SCAI: variants seen among roughly 807,000 people sequenced by gnomAD.
The protein encoded by SCAI is protein SCAI.
SCAI carries 24 observed loss-of-function variants against 92.2 expected under a neutral mutation model. The observed-to-expected ratio is 0.26, with a 90% CI of 0.19 to 0.37. SCAI has a LOEUF of 0.37. Ranked by LOEUF, SCAI falls within the 10% of genes least tolerant of loss-of-function variation. The pLI, the probability that SCAI is intolerant of heterozygous loss-of-function variation, is 1.00. For synonymous variants in SCAI, 261 were observed against 258.6 expected (o/e 1.01, Z -0.09); for missense variants, 450 against 736.2 (o/e 0.61, Z 4.50).
chr9:125,105,864 C>T (rs1044676256), intron 2 of SCAI, among the ~76,000 whole-genome samples: 33 of 151,310 alleles, frequency 2.2e-4, no homozygotes, highest in African/African-American at 6.3e-4. Flanking sequence ...TCTGGGAGGC[C>T]GAGGCAGGCA....
chr9:124,960,219 T>C (rs1207449216), intron 17 of SCAI, among the ~76,000 whole-genome samples: 2 of 152,146 alleles, frequency 1.3e-5, no homozygotes, highest in Non-Finnish European at 2.9e-5. Context: ...GCGGTTTTAT[T>C]TCTATTAGCC....
At chr9:125,039,465 C>T (rs1047396094) in intron 3 of SCAI, among the ~76,000 whole-genome samples, 1 of 151,166 alleles carries the variant, frequency 6.6e-6, no homozygotes, top group African/African-American at 2.4e-5. Context: ...AGTAAAAATG[C>T]AGAAGGGCAG....
chr9:124,995,928 A>G (rs1832228924), intron 13 of SCAI, among the ~76,000 whole-genome samples: 1 of 152,170 alleles, frequency 6.6e-6, no homozygotes, highest in Admixed American at 6.5e-5. Context: ...GCGTAAGGTC[A>G]GAATCTTGGT....
chr9:125,135,726 T>G (rs1835506945), intron 2 of SCAI, among the ~76,000 whole-genome samples: 1 of 152,136 alleles, frequency 6.6e-6, no homozygotes, highest in African/African-American at 2.4e-5. Context: ...TCCCAGCACT[T>G]TGGGAGGCCA....
intron 17 of SCAI, among the ~76,000 whole-genome samples, chr9:124,954,505 C>T (rs1238408660): frequency 6.6e-6 from 1 of 152,164 alleles, no homozygotes. Flanking sequence ...TATCATTTTA[C>T]AGATAAGTAA....
At chr9:125,111,934 A>C (rs1834937566) in intron 2 of SCAI, among the ~76,000 whole-genome samples, 1 of 152,188 alleles carries the variant, frequency 6.6e-6, no homozygotes, top group Non-Finnish European at 1.5e-5. Flanking sequence ...AAAATATTAG[A>C]GATCTAGGGA....
chr9:124,962,857 C>T (rs1433948034), intron 17 of SCAI, among the ~76,000 whole-genome samples: 7 of 147,348 alleles, frequency 4.8e-5, no homozygotes, highest in South Asian at 2.1e-4. Flanking sequence ...GGAGTGCAGT[C>T]GCGCGATCTT....
rs2131559971 is a variant in SCAI at position 124,946,109 on chromosome 9, C to T, written c.*6698G>A. On this transcript the variant is annotated 3_prime_UTR_variant, in exon 18 of 18. Transcript: ENST00000336505. This position sits in a 1 kb window ranked among gnomAD's most constrained non-coding sequence, Gnocchi z 4.0. Reference sequence around the variant, plus strand: ...ACTACTGTCCTCAAATTAATATCCACAAGGAGCCTGAGTCAGTTCCATGAA... The same window carrying T: ...ACTACTGTCCTCAAATTAATATCCATAAGGAGCCTGAGTCAGTTCCATGAA... 1 of 152,298 alleles carries T rather than the reference C, an allele frequency of 6.6e-6. No homozygotes were observed. Among genetic ancestry groups the T allele is most frequent in the Non-Finnish European group, 1.5e-5 (1 of 68,026 alleles). The allele number at this position is 152,298 out of a possible 1,614,324, so 9.4% of individuals were successfully genotyped here.
chr9:125,121,907 T>G (rs985107289), intron 2 of SCAI, among the ~76,000 whole-genome samples: 2 of 152,184 alleles, frequency 1.3e-5, no homozygotes, highest in Non-Finnish European at 2.9e-5. Flanking sequence ...AACATCTATA[T>G]GACAACTGTG....
At chr9:125,029,609 G>A in intron 4 of SCAI, 35 bp downstream of exon 4, 3 of 1,289,966 alleles carry the variant, frequency 2.3e-6, no homozygotes, top group Non-Finnish European at 3.4e-6. Flanking sequence ...TACAAAACAG[G>A]CCTTCACTCT....
intron 2 of SCAI, among the ~76,000 whole-genome samples, chr9:125,100,257 C>T (rs1834651331): frequency 6.6e-6 from 1 of 152,176 alleles, no homozygotes; most frequent in African/African-American, 2.4e-5. Context: ...CAGGTTTTCA[C>T]ATTGGAAGGG....
chr9:124,961,270 TA>T (rs959153501), intron 17 of SCAI, among the ~76,000 whole-genome samples: 307 of 139,598 alleles, frequency 2.2e-3, no homozygotes, highest in Admixed American at 2.2e-3. Context: ...CTCATCTCAT[TA>T]AAAAAAAAAA....
intron 2 of SCAI, among the ~76,000 whole-genome samples, chr9:125,077,961 C>T (rs560800724): frequency 7.1e-4 from 105 of 148,298 alleles, no homozygotes; most frequent in Middle Eastern, 6.9e-3. Context: ...TCAAGTGATC[C>T]ACACCCCCCC....
At chr9:125,129,904 C>G (rs1401427154) in intron 2 of SCAI, among the ~76,000 whole-genome samples, 2 of 149,198 alleles carry the variant, frequency 1.3e-5, no homozygotes, top group Admixed American at 6.7e-5. Flanking sequence ...CTTTTCTTTT[C>G]TTTTTTTTTG....
intron 2 of SCAI, among the ~76,000 whole-genome samples, chr9:125,133,571 G>A (rs1012157544): frequency 1.3e-5 from 2 of 152,082 alleles, no homozygotes; most frequent in East Asian, 3.8e-4. Context: ...CAGTCATCAG[G>A]GAAAGGCAAA....
At chr9:125,017,478 T>C (rs1832784292) in intron 9 of SCAI, among the ~76,000 whole-genome samples, 1 of 152,192 alleles carries the variant, frequency 6.6e-6, no homozygotes, top group African/African-American at 2.4e-5. Context: ...ATTTGCAAAA[T>C]AATGGTCATA....
chr9:124,947,379 T>C lies in SCAI; in HGVS notation c.*5428A>G, dbSNP rs1831162478. Reference sequence around the variant, plus strand: ...AGTTTAAATAAAAATTTGCAGGTGATTTTAAAGCTAAGAATAAATATCTAG... The same window carrying C: ...AGTTTAAATAAAAATTTGCAGGTGACTTTAAAGCTAAGAATAAATATCTAG... On this transcript the variant is annotated 3_prime_UTR_variant, in exon 18 of 18. Transcript: ENST00000336505. The C allele has an allele frequency of 6.6e-6, 1 of 152,214 alleles. No homozygotes were observed. The highest frequency in any genetic ancestry group is 2.4e-5 in the African/African-American group (1 of 41,462). The allele number at this position is 152,214 out of a possible 1,614,324, so 9.4% of individuals were successfully genotyped here.
intron 14 of SCAI, among the ~76,000 whole-genome samples, chr9:124,991,711 C>A (rs983403537): frequency 1.3e-5 from 2 of 151,910 alleles, no homozygotes; most frequent in Non-Finnish European, 1.5e-5. Context: ...GTGGCGTGTG[C>A]CTCTAGTCCC....
At chr9:124,970,246 A>C (rs1831631818) in intron 17 of SCAI, among the ~76,000 whole-genome samples, 2 of 152,220 alleles carry the variant, frequency 1.3e-5, no homozygotes, top group Admixed American at 1.3e-4. Flanking sequence ...AACACTGCCT[A>C]GTGTTGCACA....
Sources: allele counts gnomAD v4.1 joint callset (sites outside exome capture counted in the v4.1 genomes callset), GRCh38; gene constraint gnomAD v4.1.1; non-coding constraint Gnocchi (gnomAD v3.1); transcripts MANE v1.5; gene names NCBI Gene and HGNC (gene_info 2026-07-23, HGNC 2026-07-21).